The following DIP2C variants were observed in gnomAD, a reference collection of about 807,000 sequenced individuals.
DIP2C encodes disco-interacting protein 2 homolog C.
Under a neutral mutation model 192.4 loss-of-function variants are expected in DIP2C, and 33 were observed. The observed-to-expected ratio is 0.17, with a 90% CI of 0.13 to 0.23. The LOEUF (loss-of-function observed/expected upper bound fraction) is 0.23. DIP2C is among the 10% of genes least tolerant of loss of function. The pLI is 1.00. For synonymous variants in DIP2C, 979 were observed against 864.1 expected (o/e 1.13, Z -2.33); for missense variants, 1,537 against 2,110.1 (o/e 0.73, Z 5.32).
At chr10:366,516 G>C in intron 18 of DIP2C, 105 bp from the exon 19 acceptor site, 1 of 1,509,430 alleles carries the variant, frequency 6.6e-7, no homozygotes, top group Non-Finnish European at 9.0e-7. Context: ...AACAGGAATG[G>C]GGTCTGGAGC....
In DIP2C at chr10:364,580, C is replaced by T. The variant is rs778590278; in HGVS notation, c.2271G>A (p.Val757=). 1.2e-6 allele frequency: 2 copies of T among 1,613,292 alleles called. No homozygotes were observed. Among genetic ancestry groups the T allele is most frequent in the Non-Finnish European group, 1.7e-6 (2 of 1,179,434 alleles). The change falls in exon 20 of 37, where the codon GTG becomes GTA. Residue 757 remains valine, a splice_region_variant and synonymous_variant. Transcript: ENST00000280886. ...LSGMTKNTFE[V]FPMTSSGAPI... ...GAGCCCCGGAGCTTGTCATGGGAAA[C>T]ACCTGGGGGAAACAGCATCCATCAG...
At chr10:490,772 TTA>T (rs772788003) in intron 1 of DIP2C, among the ~76,000 whole-genome samples, 36 of 152,116 alleles carry the variant, frequency 2.4e-4, no homozygotes, top group Non-Finnish European at 4.7e-4. Flanking sequence ...AAAACGCCAC[TTA>T]TGTTATTCTC....
At chr10:520,596 CG>C (rs1182924106) in intron 1 of DIP2C, among the ~76,000 whole-genome samples, 4 of 152,180 alleles carry the variant, frequency 2.6e-5, no homozygotes, top group African/African-American at 9.7e-5. Context: ...GCCCTGGGGC[CG>C]TCCTGACCTG....
At chr10:321,617 C>G (rs1957028823) in intron 31 of DIP2C, among the ~76,000 whole-genome samples, 1 of 134,048 alleles carries the variant, frequency 7.5e-6, no homozygotes. Flanking sequence ...TTAGAACAGT[C>G]AGTCGGGGGT....
At chr10:640,356 A>T (rs1215179315) in intron 1 of DIP2C, among the ~76,000 whole-genome samples, 1 of 152,210 alleles carries the variant, frequency 6.6e-6, no homozygotes, top group African/African-American at 2.4e-5. Context: ...TCAGGAAATC[A>T]CCGCAGCCTT....
chr10:359,417 C>T (rs564264674), intron 22 of DIP2C, among the ~76,000 whole-genome samples: 39 of 152,334 alleles, frequency 2.6e-4, no homozygotes, highest in Admixed American at 1.5e-3. Context: ...TGGGCTGCTG[C>T]CTGCCGGTGC....
chr10:455,386 TGAG>T (rs1969215291), intron 3 of DIP2C, among the ~76,000 whole-genome samples: 1 of 107,368 alleles, frequency 9.3e-6, no homozygotes, highest in Admixed American at 9.3e-5. Context: ...GGGGAGACCG[TGAG>T]GAGTAAATGA....
intron 6 of DIP2C, among the ~76,000 whole-genome samples, chr10:417,661 CCTGTCAGGGCTCG>C (rs1965762179): frequency 2.2e-4 from 3 of 13,846 alleles, no homozygotes; most frequent in Non-Finnish European, 1.9e-4. Context: ...TCCACCTGTT[CCTGTCAGGGCTCG>C]GATAGGCCTC....
At position 628,185 on chromosome 10, in the gene DIP2C, T is replaced by C. The variant is rs1373585110; in HGVS notation, c.85+61309A>G. On this transcript the variant is annotated intron_variant, in intron 1 of 36. Coordinates refer to ENST00000280886, the MANE Select transcript of DIP2C (RefSeq NM_014974.3). ...AGTAGCAGATTAGGATTCAAACCAG[T>C]GCTCTTCGTCACATTGCTGACCTAC... 2.6e-5 allele frequency among the ~76,000 whole-genome samples: 4 copies of C among 152,150 alleles called. No homozygotes were observed. The East Asian group carries it at 7.7e-4, about 29-fold the overall frequency.
At position 357,229 on chromosome 10, in the gene DIP2C, C is replaced by T. The variant is rs192280614; in HGVS notation, c.2904+599G>A. Among the ~76,000 whole-genome samples, 117 of 152,334 alleles carry T rather than the reference C, an allele frequency of 7.7e-4. 4 individuals carry two copies. In the East Asian group the frequency reaches 0.021, roughly 28 times the overall value. ...TTCTAATGGGGACCGTGGACGCACA[C>T]GGCACAATGTGCAAAGTCTGGGCCT... is the stretch of plus-strand genomic sequence containing the variant. On this transcript the variant is annotated intron_variant, in intron 23 of 36. Transcript: ENST00000280886.
Position 607,078 on chromosome 10 carries a change from A to AGCACGGCCT in DIP2C, c.85+82407_85+82415dup, listed in dbSNP as rs200620185. Among the ~76,000 whole-genome samples, 656 of 152,328 alleles carry AGCACGGCCT rather than the reference A, an allele frequency of 4.3e-3. 13 individuals are homozygous for AGCACGGCCT. The highest frequency in any genetic ancestry group is 0.036 in the Admixed American group (556 of 15,300). ...TTAACGTCCGTACATGCCTGGGCCC[A>AGCACGGCCT]GCACGGCCTGCACGGCACCCTGCTC... On this transcript the variant is annotated intron_variant, in intron 1 of 36. Transcript: ENST00000280886.
intron 1 of DIP2C, among the ~76,000 whole-genome samples, chr10:510,903 T>C (rs550493859): frequency 1.3e-5 from 2 of 152,316 alleles, no homozygotes; most frequent in African/African-American, 2.4e-5. Flanking sequence ...AGCCAGGACA[T>C]CACTTAGTCA....
At chr10:421,772 TAA>T (rs376807662) in intron 5 of DIP2C, among the ~76,000 whole-genome samples, 1 of 152,252 alleles carries the variant, frequency 6.6e-6, no homozygotes, top group South Asian at 2.1e-4. Context: ...ACCAAAAGCC[TAA>T]AAGCAGGAGA....
intron 8 of DIP2C, among the ~76,000 whole-genome samples, chr10:410,123 T>A (rs1341634333): frequency 3.3e-5 from 5 of 152,244 alleles, no homozygotes; most frequent in Non-Finnish European, 1.5e-5. Context: ...TAATTTCATA[T>A]CAGAATGAGA....
chr10:430,077 C>G (rs958481290), intron 4 of DIP2C, among the ~76,000 whole-genome samples: 1 of 152,150 alleles, frequency 6.6e-6, no homozygotes, highest in African/African-American at 2.4e-5. Flanking sequence ...GGATTCTGGG[C>G]ATTCTAATAG....
chr10:470,166 G>C (rs1051457785), intron 3 of DIP2C, among the ~76,000 whole-genome samples: 1 of 152,136 alleles, frequency 6.6e-6, no homozygotes, highest in African/African-American at 2.4e-5. Context: ...TTGACAGGTA[G>C]GTAAATAACG....
chr10:324,273 G>A (rs961283375), intron 31 of DIP2C, among the ~76,000 whole-genome samples: 1 of 152,182 alleles, frequency 6.6e-6, no homozygotes. Context: ...AGGCTGACAT[G>A]AGCCCCTTCA....
rs538000571 is a variant in DIP2C at position 614,497 on chromosome 10, T to TCCC, written c.85+74994_85+74996dup. 2.2e-3 allele frequency among the ~76,000 whole-genome samples: 339 copies of TCCC among 151,922 alleles called. 2 individuals carry two copies. The highest frequency in any genetic ancestry group is 4.7e-3 in the Admixed American group (72 of 15,276). On this transcript the variant is annotated intron_variant, in intron 1 of 36. Transcript: ENST00000280886. ...TGGCTGCAGCCAGAGGCCTAAGGGA[T>TCCC]CCCCCCACGAGGCTCTCCAGCCAAG...
intron 1 of DIP2C, among the ~76,000 whole-genome samples, chr10:605,744 CAT>C (rs1852413130): frequency 2.0e-5 from 3 of 152,286 alleles, no homozygotes; most frequent in African/African-American, 7.2e-5. Flanking sequence ...ACCAGGATAA[CAT>C]AATTATGCAA....
Sources: gnomAD v4.1 joint callset for allele counts (sites outside exome capture counted in the v4.1 genomes callset) on GRCh38, gnomAD v4.1.1 for gene constraint, MANE v1.5 for transcripts, NCBI Gene and HGNC (gene_info 2026-07-23, HGNC 2026-07-21) for gene names.